Variants in EYS observed in about 807,000 individuals in gnomAD.
EYS encodes the protein protein eyes shut homolog.
EYS carries 250 observed loss-of-function variants against 282.1 expected under a neutral mutation model. The ratio of observed to expected loss-of-function variants is 0.89; its 90% CI spans 0.80 to 0.98. The LOEUF (loss-of-function observed/expected upper bound fraction) is 0.98, where lower values mean the gene tolerates loss of function less well. Among genes scored for constraint, EYS ranks in the 50% least tolerant of loss-of-function variants. The pLI is 0.00. For missense variants in EYS, 4,016 were observed against 3,709.0 expected, an observed-to-expected ratio of 1.08 and a Z score of -2.15; for synonymous variants, 1,355 against 1,282.9, an observed-to-expected ratio of 1.06 and a Z score of -1.20.
intron 9 of EYS, among the ~76,000 whole-genome samples, chr6:65,353,068 C>A (rs1466059326): frequency 6.6e-6 from 1 of 150,954 alleles, no homozygotes; most frequent in Non-Finnish European, 1.5e-5. Context: ...GTTTTTTTTT[C>A]TTTTTTTCTA....
chr6:65,145,919 C>G (rs61680343), intron 12 of EYS, among the ~76,000 whole-genome samples: 1 of 151,462 alleles, frequency 6.6e-6, no homozygotes, highest in Non-Finnish European at 1.5e-5. Context: ...GTTTAAAAAA[C>G]GTTTTTACAT....
chr6:64,949,563 T>C (rs1769411042), intron 14 of EYS, among the ~76,000 whole-genome samples: 2 of 152,018 alleles, frequency 1.3e-5, no homozygotes, highest in Admixed American at 6.6e-5. Flanking sequence ...GGGCAGCCCA[T>C]GTAGGACAAC....
chr6:63,738,562 G>A (rs1407693404), intron 41 of EYS, among the ~76,000 whole-genome samples: 61 of 127,732 alleles, frequency 4.8e-4, no homozygotes, highest in African/African-American at 1.7e-3. Flanking sequence ...ACAGGAAGGG[G>A]AACATCACAC....
intron 12 of EYS, among the ~76,000 whole-genome samples, chr6:65,185,025 GT>G (rs1363466458): frequency 6.9e-6 from 1 of 144,212 alleles, no homozygotes; most frequent in African/African-American, 2.7e-5. Context: ...CATATTGTAT[GT>G]AAAAAAGAAA....
intron 34 of EYS, among the ~76,000 whole-genome samples, chr6:63,988,824 A>G (rs1388930105): frequency 6.6e-6 from 1 of 151,398 alleles, no homozygotes; most frequent in African/African-American, 2.4e-5. Flanking sequence ...TGAAACGAAC[A>G]CTCCTTTTCC....
intron 19 of EYS, among the ~76,000 whole-genome samples, chr6:64,851,385 G>A (rs919998656): frequency 6.6e-6 from 1 of 151,992 alleles, no homozygotes; most frequent in African/African-American, 2.4e-5. Context: ...AATAATTTAT[G>A]TTCTAGAGTC....
At chr6:64,820,347 C>T (rs1764863486) in intron 21 of EYS, among the ~76,000 whole-genome samples, 1 of 151,970 alleles carries the variant, frequency 6.6e-6, no homozygotes, top group African/African-American at 2.4e-5. Context: ...TATATACATA[C>T]ATATGTCAAA....
intron 22 of EYS, among the ~76,000 whole-genome samples, chr6:64,664,365 G>A (rs1769155023): frequency 6.6e-6 from 1 of 152,108 alleles, no homozygotes; most frequent in Non-Finnish European, 1.5e-5. Flanking sequence ...GATTGGTTGG[G>A]TGTGAGCTGA....
intron 13 of EYS, among the ~76,000 whole-genome samples, chr6:65,029,247 C>A (rs946131720): frequency 6.6e-6 from 1 of 151,916 alleles, no homozygotes; most frequent in Non-Finnish European, 1.5e-5. Flanking sequence ...AAATCAAGAT[C>A]TAGGTGATCA....
chr6:64,593,761 A>G lies in EYS; in HGVS notation c.3685-452T>C, dbSNP rs138502883. Among the ~76,000 whole-genome samples the G allele has an allele frequency of 2.8e-3, 422 of 152,236 alleles. 2 individuals are homozygous for G. Among genetic ancestry groups the G allele is most frequent in the Non-Finnish European group, 4.3e-3 (289 of 67,994 alleles). ...AACATATTCTTGTGATTTGCAAATTATTTTAGTTTGTATTGGCTTGCAGTA... is the reference window on the plus strand; with the variant it reads ...AACATATTCTTGTGATTTGCAAATTGTTTTAGTTTGTATTGGCTTGCAGTA... On this transcript the variant is annotated intron_variant, in intron 24 of 42. Transcript: ENST00000503581.
intron 11 of EYS, among the ~76,000 whole-genome samples, chr6:65,297,993 G>T (rs1344299129): frequency 6.6e-6 from 1 of 152,016 alleles, no homozygotes; most frequent in East Asian, 1.9e-4. Context: ...ATAGTTCTGT[G>T]CCTCTACTAT....
At chr6:65,048,769 G>A (rs186511289) in intron 13 of EYS, among the ~76,000 whole-genome samples, 35 of 151,766 alleles carry the variant, frequency 2.3e-4, no homozygotes, top group Non-Finnish European at 3.2e-4. Context: ...CCATTTATCC[G>A]ACCTAGGAAA....
intron 33 of EYS, among the ~76,000 whole-genome samples, chr6:64,059,134 G>A (rs1425056815): frequency 1.3e-5 from 2 of 151,980 alleles, no homozygotes; most frequent in Non-Finnish European, 2.9e-5. Flanking sequence ...TCTTTCATCT[G>A]TTGTCCCCTG....
intron 1 of EYS, among the ~76,000 whole-genome samples, chr6:65,648,469 A>G (rs1232969789): frequency 6.6e-6 from 1 of 152,124 alleles, no homozygotes; most frequent in Non-Finnish European, 1.5e-5. Flanking sequence ...AAAGCCAAAC[A>G]TCGTATGTTC....
chr6:65,237,538 T>TCC (rs1192637670), intron 12 of EYS, among the ~76,000 whole-genome samples: 25 of 152,156 alleles, frequency 1.6e-4, no homozygotes, highest in African/African-American at 6.0e-4. Flanking sequence ...AAAGAAATAC[T>TCC]CCAGCCTGGG....
chr6:63,734,981 C>T lies in EYS; in HGVS notation c.8072-8301G>A, dbSNP rs532263787. Among the ~76,000 whole-genome samples, 5 of 152,108 alleles carry T rather than the reference C, an allele frequency of 3.3e-5. No individual in the cohort carries two copies. The South Asian group carries it at 8.3e-4, about 25-fold the overall frequency. On this transcript the variant is annotated intron_variant, in intron 41 of 42. Transcript: ENST00000503581. ...TTGTCAAAAACACACAAAATATATA[C>T]AAATATTTGCTAAATACTGGGCCAT...
chr6:64,380,812 T>C (rs1046667593), intron 29 of EYS, among the ~76,000 whole-genome samples: 2 of 152,050 alleles, frequency 1.3e-5, no homozygotes, highest in African/African-American at 4.8e-5. Flanking sequence ...AGTCAGGAGT[T>C]CGAGACCAGC....
chr6:65,495,354 T>C lies in EYS; in HGVS notation c.57A>G (p.Ile19Met), dbSNP rs751094898. Residue 19 changes from isoleucine to methionine, a missense_variant, in exon 4 of 43, where the codon ATA becomes ATG. Physicochemically the swap from Ile to Met is conservative, Grantham distance 10. Coordinates refer to ENST00000503581, the MANE Select transcript of EYS (RefSeq NM_001142800.2). The stretch of plus-strand genomic sequence containing the variant: ...ATTGCCGTCTACATGTTTTTCCATT[T>C]ATGAAAGAGCTGTGAAAAACCATCA... The part of the protein sequence containing the change: ...LSLMVFHSSF[I>M]NGKTCRRQLV... The C allele has an allele frequency of 4.3e-6, 7 of 1,613,628 alleles. No homozygotes were observed. Among genetic ancestry groups the C allele is most frequent in the Non-Finnish European group, 5.1e-6 (6 of 1,179,996 alleles).
At chr6:64,214,650 A>T (rs1195920596) in intron 31 of EYS, among the ~76,000 whole-genome samples, 1 of 152,058 alleles carries the variant, frequency 6.6e-6, no homozygotes, top group African/African-American at 2.4e-5. Flanking sequence ...TAAATAAAAT[A>T]CCATAGGAAG....
Sources: gnomAD v4.1 joint callset for allele counts (sites outside exome capture counted in the v4.1 genomes callset) on GRCh38, gnomAD v4.1.1 for gene constraint, MANE v1.5 for transcripts, NCBI Gene and HGNC (gene_info 2026-07-23, HGNC 2026-07-21) for gene names.